Variants in ASTN1 observed in about 807,000 individuals in gnomAD.
ASTN1 encodes astrotactin-1.
Under a neutral mutation model 140.7 loss-of-function variants are expected in ASTN1, and 41 were observed. The observed-to-expected ratio is 0.29, with a 90% CI of 0.23 to 0.38. The LOEUF (loss-of-function observed/expected upper bound fraction) is 0.38, where lower values mean the gene tolerates loss of function less well. ASTN1 is among the 10% of genes least tolerant of loss of function. ASTN1 has a pLI of 1.00. For synonymous variants in ASTN1, 640 were observed against 652.2 expected (o/e 0.98, Z 0.29); for missense variants, 1,479 against 1,678.8 (o/e 0.88, Z 2.08).
At chr1:177,045,492 G>T (rs1264805084) in intron 2 of ASTN1, among the ~76,000 whole-genome samples, 1 of 152,170 alleles carries the variant, frequency 6.6e-6, no homozygotes, top group East Asian at 1.9e-4. Flanking sequence ...CTGGCTCCTA[G>T]ATAGCTCTGA....
At chr1:177,144,340 C>T (rs574658207) in intron 1 of ASTN1, among the ~76,000 whole-genome samples, 1 of 145,218 alleles carries the variant, frequency 6.9e-6, no homozygotes, top group African/African-American at 2.6e-5. Flanking sequence ...GCAAACTCCG[C>T]CTCCCGGGTT....
intron 8 of ASTN1, among the ~76,000 whole-genome samples, chr1:176,977,543 G>A (rs972961997): frequency 6.6e-6 from 1 of 152,210 alleles, no homozygotes; most frequent in Non-Finnish European, 1.5e-5. Flanking sequence ...GATGAAACAA[G>A]GATGGCAAGT....
chr1:176,909,398 T>A (rs1361786465), intron 16 of ASTN1, among the ~76,000 whole-genome samples: 1 of 152,206 alleles, frequency 6.6e-6, no homozygotes, highest in Non-Finnish European at 1.5e-5. Flanking sequence ...AATGACATGA[T>A]GCCTGTGGTT....
At chr1:177,148,749 A>T (rs1395136541) in intron 1 of ASTN1, among the ~76,000 whole-genome samples, 3 of 151,850 alleles carry the variant, frequency 2.0e-5, no homozygotes, top group Admixed American at 2.0e-4. Flanking sequence ...ATCAACAGTG[A>T]CAAATGCAAC....
Position 177,068,736 on chromosome 1 carries a change from C to G in ASTN1, c.284-7471G>C, listed in dbSNP as rs559048564. Among the ~76,000 whole-genome samples, 3 of 152,136 alleles carry G rather than the reference C, an allele frequency of 2.0e-5. No homozygotes were observed. In the South Asian group the frequency reaches 6.2e-4, roughly 32 times the overall value. ...TGCACGCTGTTTTTTCTGTATGGCA[C>G]CTGGATAAATGTCTTTGCAGAAATT... On this transcript the variant is annotated intron_variant, in intron 1 of 22. Transcript: ENST00000361833.
At chr1:177,025,214 T>C (rs151141546) in intron 5 of ASTN1, among the ~76,000 whole-genome samples, 8 of 152,252 alleles carry the variant, frequency 5.3e-5, no homozygotes, top group African/African-American at 9.6e-5. Context: ...GCTTACTCTA[T>C]GGGCAAGACT....
chr1:177,104,895 C>A (rs1426465365), intron 1 of ASTN1, among the ~76,000 whole-genome samples: 4 of 152,138 alleles, frequency 2.6e-5, no homozygotes, highest in Non-Finnish European at 2.9e-5. Flanking sequence ...GTCCTCTGGG[C>A]CTTACTGTTA....
intron 7 of ASTN1, among the ~76,000 whole-genome samples, chr1:177,018,142 C>G (rs767022818): frequency 4.4e-4 from 67 of 151,970 alleles, no homozygotes; most frequent in Non-Finnish European, 8.8e-4. Flanking sequence ...GCAGAGACAT[C>G]GAAAGGAGGC....
At chr1:177,098,624 T>G (rs770912090) in intron 1 of ASTN1, among the ~76,000 whole-genome samples, 1 of 151,480 alleles carries the variant, frequency 6.6e-6, no homozygotes, top group Non-Finnish European at 1.5e-5. Context: ...ACACTAAGCA[T>G]ATGGAAGAAA....
intron 1 of ASTN1, among the ~76,000 whole-genome samples, chr1:177,113,516 C>G (rs982126060): frequency 6.6e-6 from 1 of 152,224 alleles, no homozygotes; most frequent in Admixed American, 6.5e-5. Context: ...TCCACTACCA[C>G]CTTGTTTCCT....
intron 17 of ASTN1, 81 bp from the exon 18 acceptor site, chr1:176,888,285 A>G: frequency 6.6e-7 from 1 of 1,520,348 alleles, no homozygotes; most frequent in South Asian, 1.1e-5. Context: ...AGTGTCAAGG[A>G]TCTGCATGGC....
chr1:176,918,550 T>G (rs922797893), intron 16 of ASTN1, among the ~76,000 whole-genome samples: 6 of 152,148 alleles, frequency 3.9e-5, no homozygotes, highest in African/African-American at 1.4e-4. Context: ...TAGGAACTCT[T>G]TGGTTCCTCT....
rs553854228 is a variant in ASTN1 at position 177,049,914 on chromosome 1, G to C, written c.471+11164C>G. 1.7e-4 allele frequency among the ~76,000 whole-genome samples: 26 copies of C among 152,302 alleles called. No homozygotes were observed. In the South Asian group the frequency reaches 5.4e-3, roughly 32 times the overall value. Reference sequence around the variant, plus strand: ...CGGAGCATTGAGGAAAGAGGGGCTGGGGATGGTCACAGCCAGCTGAAAGCC... The same window carrying C: ...CGGAGCATTGAGGAAAGAGGGGCTGCGGATGGTCACAGCCAGCTGAAAGCC... On this transcript the variant is annotated intron_variant, in intron 2 of 22. Coordinates refer to ENST00000361833, the MANE Select transcript of ASTN1 (RefSeq NM_004319.3).
intron 8 of ASTN1, among the ~76,000 whole-genome samples, chr1:176,987,923 C>T (rs142879011): frequency 1.0e-3 from 158 of 152,230 alleles, no homozygotes; most frequent in Non-Finnish European, 1.7e-3. Context: ...GAACTCTGGA[C>T]AGAGGATAGG....
chr1:176,867,561 G>A (rs1013596802), intron 22 of ASTN1, among the ~76,000 whole-genome samples: 1 of 152,110 alleles, frequency 6.6e-6, no homozygotes, highest in African/African-American at 2.4e-5. Flanking sequence ...TTTCTCTCTG[G>A]TCTGTAGTGG....
At chr1:176,906,945 A>G (rs1250576763) in intron 16 of ASTN1, among the ~76,000 whole-genome samples, 1 of 152,116 alleles carries the variant, frequency 6.6e-6, no homozygotes, top group Non-Finnish European at 1.5e-5. Context: ...GATAGTTTAT[A>G]GCTGGTATAA....
At chr1:177,022,936 T>C (rs192826036) in intron 7 of ASTN1, among the ~76,000 whole-genome samples, 234 of 152,278 alleles carry the variant, frequency 1.5e-3, no homozygotes, top group African/African-American at 5.4e-3. Flanking sequence ...TAGGAAGCCC[T>C]TAAAAATCAT....
chr1:176,894,986 C>T (rs1286820410), intron 16 of ASTN1, among the ~76,000 whole-genome samples, 156 bp from the exon 17 acceptor site: 1 of 152,168 alleles, frequency 6.6e-6, no homozygotes, highest in Non-Finnish European at 1.5e-5. Flanking sequence ...TAATTTGGGG[C>T]ACCCAACCTC....
chr1:177,043,923 C>T (rs1677091669), intron 2 of ASTN1, among the ~76,000 whole-genome samples: 1 of 152,014 alleles, frequency 6.6e-6, no homozygotes, highest in Admixed American at 6.6e-5. Context: ...TTATTTCTCC[C>T]TCTTTAAAAA....
Sources: gnomAD v4.1 joint callset for allele counts (sites outside exome capture counted in the v4.1 genomes callset) on GRCh38, gnomAD v4.1.1 for gene constraint, MANE v1.5 for transcripts, NCBI Gene and HGNC (gene_info 2026-07-23, HGNC 2026-07-21) for gene names.